TTC7A: variants seen among roughly 807,000 people sequenced by gnomAD.
TTC7A encodes tetratricopeptide repeat protein 7A.
A neutral mutation model predicts 103.7 loss-of-function variants in TTC7A; 110 were observed. The observed-to-expected ratio is 1.06, with a 90% CI of 0.91 to 1.24. TTC7A has a LOEUF of 1.24. Among genes scored for constraint, TTC7A ranks in the 50% most tolerant of loss-of-function variants. TTC7A has a pLI of 0.00. For synonymous variants in TTC7A, 521 were observed against 467.9 expected, an observed-to-expected ratio of 1.11 and a Z score of -1.47; for missense variants, 1,340 against 1,116.3, an observed-to-expected ratio of 1.20 and a Z score of -2.86.
intron 14 of TTC7A, among the ~76,000 whole-genome samples, chr2:47,027,476 T>A (rs1413406104): frequency 6.6e-6 from 1 of 152,246 alleles, no homozygotes; most frequent in South Asian, 2.1e-4. Flanking sequence ...ATGGAAGGGA[T>A]AGAAGATAGC....
chr2:47,051,707 C>T (rs1682869541), intron 17 of TTC7A, 39 bp from the exon 18 acceptor site: 1 of 1,584,828 alleles, frequency 6.3e-7, no homozygotes, highest in Non-Finnish European at 8.6e-7. Context: ...ACGTGTGGAC[C>T]TCTGACCACT....
At position 47,007,246 on chromosome 2, in the gene TTC7A, C is replaced by T. The variant is rs376923197; in HGVS notation, c.1287+522C>T. Among the ~76,000 whole-genome samples the T allele has an allele frequency of 1.3e-5, 2 of 152,112 alleles. No homozygotes were observed. Among genetic ancestry groups the T allele is most frequent in the Non-Finnish European group, 2.9e-5 (2 of 67,998 alleles). ...GGGGCTGGGAGCACCTGCATGGGGA[C>T]AGGGCCTGGCGGGACGCTGCCCGGA... On this transcript the variant is annotated intron_variant, in intron 10 of 19. Coordinates refer to ENST00000319190, the MANE Select transcript of TTC7A (RefSeq NM_020458.4). This position sits in a 1 kb window ranked among gnomAD's most constrained non-coding sequence, Gnocchi z 4.9.
chr2:47,059,652 G>A (rs190024059), intron 18 of TTC7A, among the ~76,000 whole-genome samples: 220 of 152,246 alleles, frequency 1.4e-3, no homozygotes, highest in African/African-American at 5.1e-3. Context: ...CTTCTCCCTG[G>A]ACATGCAATG....
At chr2:46,964,846 A>G (rs1672700915) in intron 3 of TTC7A, among the ~76,000 whole-genome samples, 1 of 152,066 alleles carries the variant, frequency 6.6e-6, no homozygotes, top group South Asian at 2.1e-4. Context: ...CATTCATTCT[A>G]CCTTGAGCCT....
chr2:46,976,578 G>T (rs1449283395), intron 4 of TTC7A, among the ~76,000 whole-genome samples: 1 of 152,218 alleles, frequency 6.6e-6, no homozygotes, highest in Non-Finnish European at 1.5e-5. Context: ...CATTTTGGAA[G>T]AGTCCACCCC....
chr2:46,969,534 C>T (rs1572760954), intron 3 of TTC7A, among the ~76,000 whole-genome samples: 1 of 152,220 alleles, frequency 6.6e-6, no homozygotes, highest in East Asian at 2.0e-4. Flanking sequence ...CCTGCCTCAG[C>T]CTCCTGAGTA....
At chr2:46,925,107 G>C (rs1463162317) in intron 2 of TTC7A, among the ~76,000 whole-genome samples, 3 of 152,168 alleles carry the variant, frequency 2.0e-5, no homozygotes, top group Admixed American at 6.5e-5. Flanking sequence ...CACTGCACTT[G>C]GTTTTCAATT....
At chr2:47,049,463 G>T (rs540230816) in intron 16 of TTC7A, among the ~76,000 whole-genome samples, 1 of 152,006 alleles carries the variant, frequency 6.6e-6, no homozygotes, top group African/African-American at 2.4e-5. Flanking sequence ...AGGGGCCTCC[G>T]CTGGCTCTTC....
chr2:47,076,104 A>G lies in TTC7A; in HGVS notation c.*2181A>G, dbSNP rs1685185899. The G allele has an allele frequency of 6.6e-6, 1 of 152,250 alleles. No homozygotes were observed. The highest frequency in any genetic ancestry group is 2.1e-4 in the South Asian group (1 of 4,832). The allele number at this position is 152,250 out of a possible 1,614,324, so 9.4% of individuals were successfully genotyped here. A position where few individuals can be genotyped will look rare whatever the true frequency, so the allele number is the denominator to read the frequency against. On this transcript the variant is annotated 3_prime_UTR_variant, in exon 20 of 20. Transcript: ENST00000319190. Reference sequence around the variant, plus strand: ...ACGTACTGTGGATATTATAACCTGCATTAAAACAACTCTAAAGAACGCTGC... The same window carrying G: ...ACGTACTGTGGATATTATAACCTGCGTTAAAACAACTCTAAAGAACGCTGC...
intron 15 of TTC7A, among the ~76,000 whole-genome samples, chr2:47,040,033 C>T (rs1481117609): frequency 6.6e-6 from 1 of 152,220 alleles, no homozygotes; most frequent in Admixed American, 6.5e-5. Flanking sequence ...ATCATGCTTG[C>T]AGATGGCATG....
intron 5 of TTC7A, among the ~76,000 whole-genome samples, chr2:46,984,130 G>A (rs1348280690): frequency 6.6e-5 from 10 of 152,304 alleles, no homozygotes; most frequent in Admixed American, 3.9e-4. Context: ...ATCGAGGCAC[G>A]GGGAACAAAA....
chr2:47,069,794 T>A (rs1366986486), intron 19 of TTC7A, among the ~76,000 whole-genome samples: 1 of 152,160 alleles, frequency 6.6e-6, no homozygotes, highest in Non-Finnish European at 1.5e-5. Flanking sequence ...AGGGTGGCGT[T>A]AGGGAGGGCC....
chr2:46,972,706 C>T (rs535776324), intron 3 of TTC7A, among the ~76,000 whole-genome samples: 1 of 152,212 alleles, frequency 6.6e-6, no homozygotes, highest in African/African-American at 2.4e-5. Flanking sequence ...AGGCAGAGAC[C>T]TGAGCATGGG....
At chr2:46,965,652 C>A (rs1158364553) in intron 3 of TTC7A, among the ~76,000 whole-genome samples, 1 of 150,944 alleles carries the variant, frequency 6.6e-6, no homozygotes, top group Non-Finnish European at 1.5e-5. Context: ...ACCTCTGCCT[C>A]CTGGCTTCAA....
chr2:47,038,629 TC>T lies in TTC7A; in HGVS notation c.1803-7683del, dbSNP rs1558612925. Reference sequence around the variant, plus strand: ...TGCATTCACTACACCTGCTGCCACTTCCCACCCACCCTCCCCCCACCCACCC... The same window carrying T: ...TGCATTCACTACACCTGCTGCCACTTCCACCCACCCTCCCCCCACCCACCC... On this transcript the variant is annotated intron_variant, in intron 15 of 19. Transcript: ENST00000319190. Among the ~76,000 whole-genome samples, 7 of 86,986 alleles carry T rather than the reference TC, an allele frequency of 8.0e-5. No individual in the cohort carries two copies. In the South Asian group the frequency reaches 3.3e-3, roughly 42 times the overall value. 57.1% of individuals were successfully genotyped at this position (86,986 alleles called of 152,430 possible).
chr2:46,979,769 C>G (rs1284338203), intron 5 of TTC7A, among the ~76,000 whole-genome samples: 1 of 152,212 alleles, frequency 6.6e-6, no homozygotes, highest in Non-Finnish European at 1.5e-5. Context: ...GACTCCCAGG[C>G]GGGAGCTGAG....
In TTC7A at chr2:46,941,749, C is replaced by G; in HGVS notation, c.184+24C>G. On this transcript the variant is annotated intron_variant, in intron 1 of 19. Coordinates refer to ENST00000319190, the MANE Select transcript of TTC7A (RefSeq NM_020458.4). The surrounding 1 kb of genome is among the most constrained non-coding windows in gnomAD (Gnocchi z 4.2). ...CGGTGAGTAAGGGAAGAGGCTGGCT[C>G]GCCGGCAGCGAGCGCGCGAAACGCA... 3.9e-6 allele frequency: 6 copies of G among 1,547,442 alleles called. No homozygotes were observed. The highest frequency in any genetic ancestry group is 5.2e-6 in the Non-Finnish European group (6 of 1,145,810).
intron 3 of TTC7A, among the ~76,000 whole-genome samples, chr2:46,957,359 G>A (rs1355831907): frequency 6.6e-6 from 1 of 152,260 alleles, no homozygotes; most frequent in African/African-American, 2.4e-5. Flanking sequence ...GTCATCAGCA[G>A]AATTGTGTAG....
intron 2 of TTC7A, chr2:46,951,680 G>A: frequency 2.2e-6 from 1 of 456,238 alleles, no homozygotes; most frequent in South Asian, 1.5e-5. Context: ...CGAAGCGTTG[G>A]GATTACAGGA....
Sources: gnomAD v4.1 joint callset for allele counts (sites outside exome capture counted in the v4.1 genomes callset) on GRCh38, gnomAD v4.1.1 for gene constraint, Gnocchi (gnomAD v3.1) non-coding constraint, MANE v1.5 for transcripts, NCBI Gene and HGNC (gene_info 2026-07-23, HGNC 2026-07-21) for gene names.